The following PPM1E variants were observed in gnomAD, a reference collection of about 807,000 sequenced individuals.
The protein encoded by PPM1E is protein phosphatase, Mg2+/Mn2+ dependent 1E, also known as protein phosphatase 1E.
Under a neutral mutation model 65.9 loss-of-function variants are expected in PPM1E, and 20 were observed. That is an observed-to-expected ratio of 0.30 (90% confidence interval 0.21 to 0.44). The LOEUF (loss-of-function observed/expected upper bound fraction) is 0.44, where lower values mean the gene tolerates loss of function less well. Among genes scored for constraint, PPM1E ranks in the 20% least tolerant of loss-of-function variants. PPM1E has a pLI of 1.00. For missense variants in PPM1E, 713 were observed against 953.1 expected, an observed-to-expected ratio of 0.75 and a Z score of 3.32; for synonymous variants, 352 against 374.9, an observed-to-expected ratio of 0.94 and a Z score of 0.70.
At chr17:58,918,805 C>CAAAAAAAAAAAAAAAAAAAAAAAAAAATA (rs71143301) in intron 1 of PPM1E, among the ~76,000 whole-genome samples, 1 of 75,818 alleles carries the variant, frequency 1.3e-5, no homozygotes, top group Non-Finnish European at 2.2e-5. Context: ...GACTCCGTCT[C>CAAAAAAAAAAAAAAAAAAAAAAAAAAATA]AAAAAAAAAA....
chr17:58,794,738 T>C (rs1032364417), intron 1 of PPM1E, among the ~76,000 whole-genome samples: 5 of 152,184 alleles, frequency 3.3e-5, no homozygotes, highest in African/African-American at 1.2e-4. Context: ...GCAAAGGACA[T>C]GATCTCATTC....
intron 1 of PPM1E, among the ~76,000 whole-genome samples, chr17:58,938,849 C>T (rs1423617347): frequency 8.1e-5 from 11 of 136,282 alleles, no homozygotes; most frequent in African/African-American, 2.5e-4. Flanking sequence ...AGTGCAATGG[C>T]GCGATCTTGA....
chr17:58,851,170 G>A (rs143807154), intron 1 of PPM1E, among the ~76,000 whole-genome samples: 42 of 152,134 alleles, frequency 2.8e-4, no homozygotes, highest in Non-Finnish European at 4.7e-4. Flanking sequence ...CTAGTTAGCC[G>A]TTCATCTAAT....
At chr17:58,769,570 C>T (rs973073650) in intron 1 of PPM1E, among the ~76,000 whole-genome samples, 2 of 151,998 alleles carry the variant, frequency 1.3e-5, no homozygotes, top group African/African-American at 4.8e-5. Flanking sequence ...GAATCAAGAT[C>T]GCACCACTGC....
At chr17:58,876,565 T>C (rs979946594) in intron 1 of PPM1E, among the ~76,000 whole-genome samples, 8 of 152,194 alleles carry the variant, frequency 5.3e-5, no homozygotes, top group Non-Finnish European at 1.2e-4. Context: ...TTATGGCTAC[T>C]TGTTATTTCT....
chr17:58,843,174 C>G (rs536548742), intron 1 of PPM1E, among the ~76,000 whole-genome samples: 70 of 151,352 alleles, frequency 4.6e-4, no homozygotes, highest in African/African-American at 1.5e-3. Context: ...TAGTCCCAGG[C>G]TGGAGAATGG....
chr17:58,946,863 G>A (rs1408048288), intron 1 of PPM1E, among the ~76,000 whole-genome samples: 1 of 151,818 alleles, frequency 6.6e-6, no homozygotes, highest in Non-Finnish European at 1.5e-5. Flanking sequence ...TTCTGCTTGT[G>A]CTTTTGGTGT....
Position 58,980,818 on chromosome 17 carries a change from A to C in PPM1E, c.2055A>C (p.Pro685=). The C allele has an allele frequency of 6.2e-7, 1 of 1,614,220 alleles. No homozygotes were observed. Among genetic ancestry groups the C allele is most frequent in the South Asian group, 1.1e-5 (1 of 91,082 alleles). Residue 685 remains proline (P), a synonymous_variant, in exon 7 of 7, where the codon CCA becomes CCC. Transcript: ENST00000308249. This position sits in a 1 kb window ranked among gnomAD's most constrained non-coding sequence, Gnocchi z 4.7. ...AGTGGCACAGATTCAGGTTTAATCC[A>C]AAGTTTTATTCATTTCTCTCTGCTC... is the stretch of plus-strand genomic sequence containing the variant. ...SKKWHRFRFN[P]KFYSFLSAQE...
chr17:58,816,762 A>G (rs1264093309), intron 1 of PPM1E, among the ~76,000 whole-genome samples: 1 of 15,608 alleles, frequency 6.4e-5, no homozygotes, highest in Non-Finnish European at 1.1e-4. Context: ...ATATATATAT[A>G]TATATATATA....
intron 1 of PPM1E, among the ~76,000 whole-genome samples, chr17:58,950,785 T>TC (rs1488313712): frequency 1.6e-4 from 24 of 147,566 alleles, no homozygotes; most frequent in East Asian, 1.9e-4. Flanking sequence ...TTCTTTTTTT[T>TC]TTTTTTTTTT....
intron 1 of PPM1E, among the ~76,000 whole-genome samples, chr17:58,900,028 C>CAAA (rs796479802): frequency 2.1e-5 from 2 of 97,082 alleles, no homozygotes; most frequent in African/African-American, 3.8e-5. Context: ...GATACAGTCT[C>CAAA]AAAAAAAAAA....
chr17:58,966,354 A>T (rs1320562744), intron 3 of PPM1E: 1 of 330,188 alleles, frequency 3.0e-6, no homozygotes, highest in Non-Finnish European at 5.8e-6. Context: ...CTGTCTCTTA[A>T]AAAAAAAAAA....
intron 1 of PPM1E, among the ~76,000 whole-genome samples, chr17:58,768,508 G>T (rs1053645829): frequency 2.6e-5 from 4 of 152,104 alleles, no homozygotes; most frequent in Non-Finnish European, 5.9e-5. Context: ...GGATAGGGTG[G>T]TTGGATTTTT....
At chr17:58,961,589 ACAGATCTAG>A (rs1415745725) in intron 2 of PPM1E, among the ~76,000 whole-genome samples, 2 of 152,212 alleles carry the variant, frequency 1.3e-5, no homozygotes, top group African/African-American at 2.4e-5. Context: ...AGTGGTATGA[ACAGATCTAG>A]TGATTTACCA....
intron 1 of PPM1E, among the ~76,000 whole-genome samples, chr17:58,946,304 T>G (rs1178722951): frequency 6.6e-6 from 1 of 152,240 alleles, no homozygotes; most frequent in African/African-American, 2.4e-5. Flanking sequence ...AATATTTATT[T>G]CCAATTATGT....
chr17:58,803,333 A>G (rs2050276202), intron 1 of PPM1E, among the ~76,000 whole-genome samples: 1 of 152,138 alleles, frequency 6.6e-6, no homozygotes. Context: ...TCTTGAGGTG[A>G]TCATATGATT....
intron 1 of PPM1E, among the ~76,000 whole-genome samples, chr17:58,766,833 G>T (rs1039409659): frequency 1.3e-5 from 2 of 151,984 alleles, no homozygotes; most frequent in African/African-American, 4.8e-5. Flanking sequence ...AGTTCAAAGT[G>T]GTTCAAGGCA....
intron 2 of PPM1E, among the ~76,000 whole-genome samples, chr17:58,962,152 T>G (rs6503889): frequency 2.0e-5 from 3 of 151,710 alleles, no homozygotes; most frequent in East Asian, 3.9e-4. Flanking sequence ...GGCATGGTGG[T>G]GCATACCTGT....
At position 58,755,885 on chromosome 17, in the gene PPM1E, G is replaced by A; in HGVS notation, c.-113G>A. ...AGGCAACCTAGTGCTGATCGCTCGT[G>A]CCGGTGCGGCCGTTAACCGCCCTTG... is the stretch of plus-strand genomic sequence containing the variant. On this transcript the variant is annotated 5_prime_UTR_variant, in exon 1 of 7. Coordinates refer to ENST00000308249, the MANE Select transcript of PPM1E (RefSeq NM_014906.5). The A allele has an allele frequency of 6.6e-7, 1 of 1,517,588 alleles. No individual in the cohort carries two copies. The highest frequency in any genetic ancestry group is 1.3e-5 in the South Asian group (1 of 75,732). 94.0% of individuals were successfully genotyped at this position (1,517,588 alleles called of 1,614,324 possible).
Sources: allele counts gnomAD v4.1 joint callset (sites outside exome capture counted in the v4.1 genomes callset), GRCh38; gene constraint gnomAD v4.1.1; non-coding constraint Gnocchi (gnomAD v3.1); transcripts MANE v1.5; gene names NCBI Gene and HGNC (gene_info 2026-07-23, HGNC 2026-07-21).